BANP: variants seen among roughly 807,000 people sequenced by gnomAD.
BANP encodes the protein BTG3 associated nuclear protein, also known as protein BANP.
BANP carries 11 observed loss-of-function variants against 68.1 expected under a neutral mutation model. The observed-to-expected ratio is 0.16, with a 90% confidence interval of 0.10 to 0.27. The LOEUF is 0.27. BANP is among the 10% of genes least tolerant of loss of function. The pLI is 1.00. For missense variants in BANP, 504 were observed against 722.7 expected, an observed-to-expected ratio of 0.70 and a Z score of 3.47; for synonymous variants, 329 against 303.2, an observed-to-expected ratio of 1.09 and a Z score of -0.88.
chr16:87,969,909 C>CTTTTTT (rs34640333), intron 1 of BANP: 3 of 117,328 alleles, frequency 2.6e-5, no homozygotes, highest in African/African-American at 1.0e-4. Flanking sequence ...GTTGATTGGT[C>CTTTTTT]TTTTTTTTTT....
intron 2 of BANP, among the ~76,000 whole-genome samples, chr16:87,978,185 A>G (rs924426533): frequency 6.6e-5 from 10 of 152,218 alleles, no homozygotes; most frequent in Non-Finnish European, 1.5e-5. Flanking sequence ...TCGAATTCTA[A>G]AAGTAATGCA....
chr16:88,076,775 GC>G lies in BANP; in HGVS notation c.*115del. 1.2e-6 allele frequency: 1 copy of G among 829,184 alleles called. No homozygotes were observed. The highest frequency in any genetic ancestry group is 1.8e-5 in the South Asian group (1 of 55,890). The allele number at this position is 829,184 out of a possible 1,614,324, so 51.4% of individuals were successfully genotyped here. A position where few individuals can be genotyped will look rare whatever the true frequency, so the allele number is the denominator to read the frequency against. ...GCGGCTGCACGTGTTCTGCTGAAGT[GC>G]GTCTGAAGGCCGCTGCCTCCGCGGG... On this transcript the variant is annotated 3_prime_UTR_variant, in exon 14 of 14. Coordinates refer to ENST00000682872, the MANE Select transcript of BANP (RefSeq NM_001386991.1).
intron 4 of BANP, among the ~76,000 whole-genome samples, chr16:87,994,066 TG>T (rs1266694439): frequency 2.0e-5 from 3 of 152,130 alleles, no homozygotes; most frequent in African/African-American, 7.2e-5. Flanking sequence ...ATGCGGTGTT[TG>T]GAGGGCCCTG....
intron 13 of BANP, among the ~76,000 whole-genome samples, chr16:88,073,681 C>T (rs555055412): frequency 5.3e-5 from 8 of 152,314 alleles, no homozygotes; most frequent in African/African-American, 1.9e-4. Context: ...GCGTGGCAGC[C>T]CCCCGTGCCG....
Position 88,057,193 on chromosome 16 carries a change from C to A in BANP, c.1312-8074C>A, listed in dbSNP as rs2085285873. On this transcript the variant is annotated intron_variant, in intron 11 of 13. Coordinates refer to ENST00000682872, the MANE Select transcript of BANP (RefSeq NM_001386991.1). This position sits in a 1 kb window ranked among gnomAD's most constrained non-coding sequence, Gnocchi z 4.6. ...CCTGCCGTGTTGTGGTGGGGAGCGACTTCACACAGCTGGCACGGGATGCTT... is the reference window on the plus strand; with the variant it reads ...CCTGCCGTGTTGTGGTGGGGAGCGAATTCACACAGCTGGCACGGGATGCTT... Among the ~76,000 whole-genome samples the A allele has an allele frequency of 1.3e-5, 2 of 152,198 alleles. No homozygotes were observed. The highest frequency in any genetic ancestry group is 1.3e-4 in the Admixed American group (2 of 15,284).
intron 12 of BANP, among the ~76,000 whole-genome samples, chr16:88,066,188 TG>T (rs886652468): frequency 6.6e-5 from 10 of 152,190 alleles, no homozygotes. Flanking sequence ...AGGGGTCCCC[TG>T]CCAGGGGATC....
At chr16:87,982,730 G>T (rs2063517354) in intron 3 of BANP, 1 of 152,324 alleles carries the variant, frequency 6.6e-6, no homozygotes, top group South Asian at 2.1e-4. Context: ...GCCAGGAGAG[G>T]TGGTGACCTG....
At chr16:87,974,354 T>C (rs1209283931) in intron 1 of BANP, among the ~76,000 whole-genome samples, 1 of 152,196 alleles carries the variant, frequency 6.6e-6, no homozygotes, top group Non-Finnish European at 1.5e-5. Context: ...TTTCAGACAC[T>C]GTGCGAGGCT....
intron 13 of BANP, among the ~76,000 whole-genome samples, chr16:88,073,907 G>A (rs770626358): frequency 3.3e-5 from 5 of 152,246 alleles, no homozygotes; most frequent in Non-Finnish European, 7.3e-5. Context: ...CCAGGTGAAT[G>A]ATTTAATTAG....
chr16:88,072,329 G>A (rs750844378), intron 13 of BANP, 117 bp downstream of exon 13: 1 of 1,229,230 alleles, frequency 8.1e-7, no homozygotes, highest in South Asian at 1.5e-5. Context: ...GAGGGCACGT[G>A]ATTGGACACA....
At chr16:88,032,024 G>A (rs1471106531) in intron 8 of BANP, among the ~76,000 whole-genome samples, 1 of 151,990 alleles carries the variant, frequency 6.6e-6, no homozygotes, top group Non-Finnish European at 1.5e-5. Flanking sequence ...GGCTGGTCTC[G>A]AACTCCTGAC....
chr16:88,019,075 C>A (rs2075271303), intron 7 of BANP, among the ~76,000 whole-genome samples: 2 of 152,210 alleles, frequency 1.3e-5, no homozygotes, highest in African/African-American at 4.8e-5. Context: ...CTGCCTCCTT[C>A]CTTCTGAGAG....
At chr16:87,991,593 G>T (rs1180578363) in intron 4 of BANP, among the ~76,000 whole-genome samples, 4 of 152,178 alleles carry the variant, frequency 2.6e-5, no homozygotes, top group African/African-American at 9.7e-5. Flanking sequence ...AGTTTTCAGT[G>T]TTCAGCTTCT....
intron 11 of BANP, among the ~76,000 whole-genome samples, chr16:88,054,385 A>G (rs1598925910): frequency 6.7e-6 from 1 of 149,724 alleles, no homozygotes; most frequent in Non-Finnish European, 1.5e-5. Context: ...CACCACCTCT[A>G]CTATCTCCAT....
intron 1 of BANP, among the ~76,000 whole-genome samples, chr16:87,970,656 T>C (rs2060934419): frequency 6.6e-6 from 1 of 152,204 alleles, no homozygotes; most frequent in African/African-American, 2.4e-5. Flanking sequence ...CCGTTGTTGA[T>C]AGTCTGCTTT....
At chr16:88,041,840 C>T (rs530742477) in intron 11 of BANP, among the ~76,000 whole-genome samples, 1 of 152,342 alleles carries the variant, frequency 6.6e-6, no homozygotes, top group African/African-American at 2.4e-5. Flanking sequence ...TGTGAGCCTG[C>T]ACTAAGGAAT....
chr16:88,060,574 T>G (rs925312612), intron 11 of BANP, among the ~76,000 whole-genome samples: 2 of 152,156 alleles, frequency 1.3e-5, no homozygotes, highest in African/African-American at 4.8e-5. Context: ...TTTTCCAAGT[T>G]AAAGAAATGA....
chr16:88,054,106 A>G (rs1330280111), intron 11 of BANP, among the ~76,000 whole-genome samples: 1 of 104,176 alleles, frequency 9.6e-6, no homozygotes, highest in Admixed American at 9.5e-5. Context: ...CTCCATCATC[A>G]TCACCAGCAC....
At chr16:88,059,930 C>G (rs1044271981) in intron 11 of BANP, among the ~76,000 whole-genome samples, 6 of 152,192 alleles carry the variant, frequency 3.9e-5, no homozygotes, top group African/African-American at 1.4e-4. Flanking sequence ...CATTTAGGCC[C>G]CAGACCTGCA....
Sources: allele counts gnomAD v4.1 joint callset (sites outside exome capture counted in the v4.1 genomes callset), GRCh38; gene constraint gnomAD v4.1.1; non-coding constraint Gnocchi (gnomAD v3.1); transcripts MANE v1.5; gene names NCBI Gene and HGNC (gene_info 2026-07-23, HGNC 2026-07-21).